The following RECK variants were observed in gnomAD, a reference collection of about 807,000 sequenced individuals.
The protein encoded by RECK is reversion inducing cysteine rich protein with kazal motifs, also known as reversion-inducing cysteine-rich protein with Kazal motifs.
RECK carries 69 observed loss-of-function variants against 115.1 expected under a neutral mutation model. That is an observed-to-expected ratio of 0.60 (90% CI 0.49 to 0.73). RECK has a LOEUF of 0.73. Ranked by LOEUF, RECK falls within the 30% of genes least tolerant of loss-of-function variation. The pLI is 0.00. For missense variants in RECK, 1,047 were observed against 1,203.7 expected (o/e 0.87, Z 1.93); for synonymous variants, 414 against 419.7 (o/e 0.99, Z 0.17).
intron 9 of RECK, among the ~76,000 whole-genome samples, chr9:36,090,660 TA>T (rs1823123773): frequency 2.0e-5 from 3 of 152,208 alleles, no homozygotes; most frequent in Non-Finnish European, 4.4e-5. Flanking sequence ...TGGAATATCT[TA>T]GGGAATAGAA....
intron 10 of RECK, among the ~76,000 whole-genome samples, chr9:36,091,712 G>A (rs752181905): frequency 2.6e-5 from 4 of 151,990 alleles, no homozygotes; most frequent in Non-Finnish European, 4.4e-5. Flanking sequence ...GAGACTGGTT[G>A]AGGTTTCTTC....
Position 36,083,462 on chromosome 9 carries a change from G to T in RECK, c.537G>T (p.Gln179His), listed in dbSNP as rs763506105. ...FRTDSSPGPSQIKAVENYCAS... is the reference protein window; with the variant it reads ...FRTDSSPGPSHIKAVENYCAS... ...CAGACTCTTCTCCTGGTCCATCTCA[G>T]ATAAAAGCAGTGGAAAATTATTGCG... The change falls in exon 8 of 21, where the codon CAG becomes CAT. Residue 179 changes from glutamine (Q) to histidine (H), a missense_variant. Transcript: ENST00000377966. 5.6e-6 allele frequency: 9 copies of T among 1,614,032 alleles called. No individual in the cohort carries two copies. The highest frequency in any genetic ancestry group is 7.6e-6 in the Non-Finnish European group (9 of 1,179,978).
chr9:36,099,704 C>T (rs1823490647), intron 10 of RECK, among the ~76,000 whole-genome samples: 1 of 152,008 alleles, frequency 6.6e-6, no homozygotes, highest in Non-Finnish European at 1.5e-5. Context: ...AGACTGGTCT[C>T]AAACTCCTGA....
intron 8 of RECK, among the ~76,000 whole-genome samples, chr9:36,084,551 C>G (rs1822866446): frequency 6.6e-6 from 1 of 151,590 alleles, no homozygotes; most frequent in Non-Finnish European, 1.5e-5. Context: ...AAAAATCAGC[C>G]AGGTGTGGTG....
At chr9:36,064,066 A>G (rs1229612686) in intron 5 of RECK, among the ~76,000 whole-genome samples, 186 bp downstream of exon 5, 1 of 152,224 alleles carries the variant, frequency 6.6e-6, no homozygotes, top group Non-Finnish European at 1.5e-5. Flanking sequence ...GCTGCTGCAT[A>G]TGGCCTCAGC....
intron 12 of RECK, among the ~76,000 whole-genome samples, chr9:36,104,292 G>GTGTGTATATA (rs34438663): frequency 5.7e-4 from 25 of 43,872 alleles, no homozygotes; most frequent in East Asian, 8.0e-4. Flanking sequence ...GTGTGTGTGT[G>GTGTGTATATA]TATATATATA....
chr9:36,092,303 C>A (rs1823187518), intron 10 of RECK, among the ~76,000 whole-genome samples: 1 of 152,002 alleles, frequency 6.6e-6, no homozygotes, highest in Non-Finnish European at 1.5e-5. Context: ...ATGAACTCCG[C>A]ACAAAATATA....
At chr9:36,085,351 G>C (rs1822907750) in intron 8 of RECK, 1 of 156,810 alleles carries the variant, frequency 6.4e-6, no homozygotes, top group Non-Finnish European at 1.4e-5. Flanking sequence ...ACCTAGAGGT[G>C]ACCAGATTTA....
chr9:36,053,475 G>A (rs1821389398), intron 2 of RECK, among the ~76,000 whole-genome samples: 6 of 152,220 alleles, frequency 3.9e-5, no homozygotes. Context: ...TATAAGACAT[G>A]ACACTGATTC....
chr9:36,065,954 C>G (rs1821979482), intron 6 of RECK, among the ~76,000 whole-genome samples: 1 of 152,174 alleles, frequency 6.6e-6, no homozygotes, highest in Admixed American at 6.5e-5. Flanking sequence ...TGTCTCATCT[C>G]CTATCTCTTG....
At chr9:36,103,601 C>A (rs1368260536) in intron 12 of RECK, among the ~76,000 whole-genome samples, 1 of 152,158 alleles carries the variant, frequency 6.6e-6, no homozygotes, top group Non-Finnish European at 1.5e-5. Flanking sequence ...AATTGGAGAT[C>A]TTTTAGTAAT....
intron 1 of RECK, among the ~76,000 whole-genome samples, chr9:36,040,921 GAAT>G (rs1269503702): frequency 2.0e-5 from 3 of 151,960 alleles, no homozygotes; most frequent in African/African-American, 7.3e-5. Context: ...GGAAAGGAGA[GAAT>G]AAAAAGTTCT....
At chr9:36,115,200 A>G (rs937552315) in intron 16 of RECK, among the ~76,000 whole-genome samples, 2 of 151,956 alleles carry the variant, frequency 1.3e-5, no homozygotes, top group African/African-American at 4.8e-5. Context: ...CTGTAATTCC[A>G]GCTACTCAGG....
At chr9:36,121,892 A>T (rs1000883961) in intron 20 of RECK, among the ~76,000 whole-genome samples, 2 of 152,170 alleles carry the variant, frequency 1.3e-5, no homozygotes, top group African/African-American at 4.8e-5. Context: ...CCTGGTGCAC[A>T]TTTGACAGTG....
chr9:36,122,983 C>T lies in RECK; in HGVS notation c.2854C>T (p.His952Tyr). 6.2e-7 allele frequency: 1 copy of T among 1,614,084 alleles called. No homozygotes were observed. The highest frequency in any genetic ancestry group is 8.5e-7 in the Non-Finnish European group (1 of 1,180,024). Reference sequence around the variant, plus strand: ...CGGTGTCAGGGCCAGGCCTTCTTGCCACTCCCTCCTCCTTCCCCTCAGCTT... The same window carrying T: ...CGGTGTCAGGGCCAGGCCTTCTTGCTACTCCCTCCTCCTTCCCCTCAGCTT... Reference protein sequence around the residue: ...SAGVRARPSCHSLLLPLSLGL... With the variant: ...SAGVRARPSCYSLLLPLSLGL... Residue 952 changes from histidine (H) to tyrosine (Y), a missense_variant, in exon 21 of 21, where the codon CAC (histidine) becomes TAC (tyrosine). Coordinates refer to ENST00000377966, the MANE Select transcript of RECK (RefSeq NM_021111.3).
At chr9:36,082,304 C>G (rs1822750787) in intron 7 of RECK, among the ~76,000 whole-genome samples, 1 of 152,090 alleles carries the variant, frequency 6.6e-6, no homozygotes, top group Admixed American at 6.6e-5. Flanking sequence ...CTACCTCAAC[C>G]TCCCTAGTAG....
chr9:36,097,706 G>A (rs767629185), intron 10 of RECK, among the ~76,000 whole-genome samples: 20 of 152,118 alleles, frequency 1.3e-4, no homozygotes, highest in South Asian at 4.1e-4. Flanking sequence ...GGAAATCAGC[G>A]TGTTGAAGAG....
intron 6 of RECK, among the ~76,000 whole-genome samples, chr9:36,077,693 A>G (rs1822503838): frequency 6.6e-6 from 1 of 152,206 alleles, no homozygotes; most frequent in Admixed American, 6.5e-5. Context: ...ACTTAGGCAC[A>G]AAAGGTCTAT....
chr9:36,089,067 T>A (rs992463130), intron 9 of RECK, among the ~76,000 whole-genome samples: 10 of 152,076 alleles, frequency 6.6e-5, no homozygotes, highest in African/African-American at 2.4e-4. Flanking sequence ...AGAGCGAGAC[T>A]CTGTCTCCAA....
Sources: allele counts gnomAD v4.1 joint callset (sites outside exome capture counted in the v4.1 genomes callset), GRCh38; gene constraint gnomAD v4.1.1; transcripts MANE v1.5; gene names NCBI Gene and HGNC (gene_info 2026-07-23, HGNC 2026-07-21).